Variants in ARFGEF1 observed in about 807,000 individuals in gnomAD.
ARFGEF1 encodes the protein ARF guanine nucleotide exchange factor 1, also known as brefeldin A-inhibited guanine nucleotide-exchange protein 1.
In ARFGEF1, 42 loss-of-function variants were observed where a neutral mutation model predicts 231.0. That is an observed-to-expected ratio of 0.18 (90% CI 0.14 to 0.24). The LOEUF (loss-of-function observed/expected upper bound fraction) is 0.24, where lower values mean the gene tolerates loss of function less well. Among genes scored for constraint, ARFGEF1 ranks in the 10% least tolerant of loss-of-function variants. The pLI is 1.00. For missense variants in ARFGEF1, 1,345 were observed against 2,192.0 expected (o/e 0.61, Z 7.72); for synonymous variants, 710 against 732.3 (o/e 0.97, Z 0.49).
chr8:67,219,364 G>C, intron 30 of ARFGEF1, 67 bp downstream of exon 30: 5 of 1,515,290 alleles, frequency 3.3e-6, no homozygotes, highest in Non-Finnish European at 4.4e-6. Flanking sequence ...ACACTAAAAT[G>C]TATTGATTAT....
intron 28 of ARFGEF1, among the ~76,000 whole-genome samples, chr8:67,225,775 C>G (rs1839352120): frequency 6.6e-6 from 1 of 152,038 alleles, no homozygotes; most frequent in South Asian, 2.1e-4. Context: ...ACTATCTACC[C>G]CATAAAGCCA....
intron 1 of ARFGEF1, among the ~76,000 whole-genome samples, chr8:67,339,028 G>A (rs1039889002): frequency 6.6e-6 from 1 of 152,258 alleles, no homozygotes; most frequent in African/African-American, 2.4e-5. Context: ...AAAAATAAGG[G>A]TGGGATTAAA....
intron 7 of ARFGEF1, among the ~76,000 whole-genome samples, chr8:67,279,607 ATC>A (rs898451947): frequency 6.6e-6 from 1 of 152,178 alleles, no homozygotes; most frequent in South Asian, 2.1e-4. Context: ...CCTCCTTTCC[ATC>A]TCAAGAAATT....
chr8:67,197,690 T>G lies in ARFGEF1; in HGVS notation c.*1244A>C, dbSNP rs1204975585. On this transcript the variant is annotated 3_prime_UTR_variant, in exon 39 of 39. Coordinates refer to ENST00000262215, the MANE Select transcript of ARFGEF1 (RefSeq NM_006421.5). ...TGCACTGATGAAATAATTCAAAAAC[T>G]TTATTGACCTATAACCTGATTAGAA... 1 of 985,736 alleles carries G rather than the reference T, an allele frequency of 1.0e-6. No homozygotes were observed. The highest frequency in any genetic ancestry group is 1.2e-6 in the Non-Finnish European group (1 of 829,916). The allele number at this position is 985,736 out of a possible 1,614,324, so 61.1% of individuals were successfully genotyped here.
chr8:67,250,819 A>G (rs1341141876), intron 19 of ARFGEF1, among the ~76,000 whole-genome samples: 2 of 152,248 alleles, frequency 1.3e-5, no homozygotes, highest in Non-Finnish European at 2.9e-5. Context: ...TTTAAAGAAT[A>G]AGTATCATTC....
At chr8:67,241,558 G>C (rs951313230) in intron 19 of ARFGEF1, among the ~76,000 whole-genome samples, 1 of 152,074 alleles carries the variant, frequency 6.6e-6, no homozygotes, top group African/African-American at 2.4e-5. Flanking sequence ...CCAGGCAATA[G>C]TTAAACTGTG....
intron 5 of ARFGEF1, among the ~76,000 whole-genome samples, chr8:67,180,694 TG>T (rs1184573851): frequency 2.0e-5 from 3 of 152,150 alleles, no homozygotes; most frequent in African/African-American, 7.2e-5. Context: ...ATGTTACCAT[TG>T]GGGGAAACTG....
chr8:67,200,311 G>T, intron 38 of ARFGEF1, 85 bp downstream of exon 38: 2 of 938,454 alleles, frequency 2.1e-6, no homozygotes, highest in Non-Finnish European at 1.8e-6. Context: ...ATCTCTGAGA[G>T]CTCTTGCACG....
chr8:67,176,485 G>C (rs1233953715), intron 5 of ARFGEF1, among the ~76,000 whole-genome samples: 2 of 152,264 alleles, frequency 1.3e-5, no homozygotes, highest in East Asian at 3.9e-4. Context: ...TTTAATAACA[G>C]CCTCATAGCC....
At chr8:67,214,377 G>A (rs746519436) in intron 33 of ARFGEF1, among the ~76,000 whole-genome samples, 10 of 152,198 alleles carry the variant, frequency 6.6e-5, no homozygotes, top group Non-Finnish European at 1.5e-4. Flanking sequence ...TCCAAGCAAA[G>A]TGCTGAAGGT....
intron 5 of ARFGEF1, among the ~76,000 whole-genome samples, chr8:67,176,772 T>C (rs561641217): frequency 6.6e-6 from 1 of 152,140 alleles, no homozygotes; most frequent in South Asian, 2.1e-4. Flanking sequence ...ACCTAATTCA[T>C]AGGAATATGA....
intron 1 of ARFGEF1, among the ~76,000 whole-genome samples, chr8:67,331,795 A>C (rs951076083): frequency 3.9e-5 from 6 of 152,140 alleles, no homozygotes; most frequent in African/African-American, 1.4e-4. Context: ...AATAAATCTA[A>C]AGACAGCAAA....
At chr8:67,253,269 C>A (rs1318386688) in intron 18 of ARFGEF1, among the ~76,000 whole-genome samples, 182 bp downstream of exon 18, 1 of 152,066 alleles carries the variant, frequency 6.6e-6, no homozygotes, top group Non-Finnish European at 1.5e-5. Context: ...GAGACAAGAA[C>A]CTTGCTATAT....
intron 1 of ARFGEF1, among the ~76,000 whole-genome samples, chr8:67,307,499 G>C (rs1031388314): frequency 6.6e-6 from 1 of 152,228 alleles, no homozygotes; most frequent in Non-Finnish European, 1.5e-5. Context: ...CATTAACCTA[G>C]TAAGGCAGGG....
chr8:67,236,386 ATATATATATATATATATATATATATG>A (rs1839767447), intron 22 of ARFGEF1, among the ~76,000 whole-genome samples: 2 of 97,266 alleles, frequency 2.1e-5, no homozygotes, highest in Non-Finnish European at 4.2e-5. Flanking sequence ...ATATATATAT[ATATATATATATATATATATATATATG>A]TATCCACTGT....
At chr8:67,332,309 G>C (rs540470633) in intron 1 of ARFGEF1, among the ~76,000 whole-genome samples, 1 of 152,114 alleles carries the variant, frequency 6.6e-6, no homozygotes, top group Non-Finnish European at 1.5e-5. Context: ...GATTTGAAAT[G>C]TTACAAAATA....
chr8:67,210,033 T>C (rs567369334), intron 34 of ARFGEF1, among the ~76,000 whole-genome samples: 5 of 151,212 alleles, frequency 3.3e-5, no homozygotes, highest in South Asian at 4.2e-4. Flanking sequence ...CAGGCACCTG[T>C]AGTCCCAGCT....
At chr8:67,333,409 A>G (rs1228454333) in intron 1 of ARFGEF1, among the ~76,000 whole-genome samples, 1 of 150,540 alleles carries the variant, frequency 6.6e-6, no homozygotes, top group Non-Finnish European at 1.5e-5. Context: ...AGCTCACTGC[A>G]GCCTCAACCT....
At chr8:67,235,898 GA>G (rs1839716081) in intron 22 of ARFGEF1, among the ~76,000 whole-genome samples, 1 of 152,012 alleles carries the variant, frequency 6.6e-6, no homozygotes, top group South Asian at 2.1e-4. Context: ...TCCAAAAAGT[GA>G]AAGTACAGAC....
Sources: gnomAD v4.1 joint callset for allele counts (sites outside exome capture counted in the v4.1 genomes callset) on GRCh38, gnomAD v4.1.1 for gene constraint, MANE v1.5 for transcripts, NCBI Gene and HGNC (gene_info 2026-07-23, HGNC 2026-07-21) for gene names.